The following BTG4 variants were observed in gnomAD, a reference collection of about 807,000 sequenced individuals.
The protein encoded by BTG4 is protein BTG4.
Under a neutral mutation model 19.3 loss-of-function variants are expected in BTG4, and 10 were observed. The observed-to-expected ratio is 0.52, with a 90% CI of 0.32 to 0.88. BTG4 has a LOEUF of 0.88. Ranked by LOEUF, BTG4 falls within the 40% of genes least tolerant of loss-of-function variation. The pLI, the probability that BTG4 is intolerant of heterozygous loss-of-function variation, is 0.04. For synonymous variants in BTG4, 91 were observed against 95.7 expected (o/e 0.95, Z 0.29); for missense variants, 238 against 281.9 (o/e 0.84, Z 1.11).
At chr11:111,465,463 T>C (rs1863666707), downstream of BTG4, among the ~76,000 whole-genome samples, 1 of 152,174 alleles carries the variant, frequency 6.6e-6, no homozygotes, top group Non-Finnish European at 1.5e-5. Flanking sequence ...CTATTCTAAC[T>C]CTTTAGATGT....
At chr11:111,396,756 T>G in the BTG4 span, 16 of 152,260 alleles carry the variant, frequency 1.1e-4, 1 homozygote, top group Non-Finnish European at 1.8e-4. Flanking sequence ...TTCCTCACTT[T>G]TTGATAATTA....
chr11:111,407,399 G>A, the BTG4 span, among the ~76,000 whole-genome samples: 5 of 152,162 alleles, frequency 3.3e-5, no homozygotes, highest in South Asian at 2.1e-4. Flanking sequence ...GGCCGGGTGC[G>A]GTGGTTCCCG....
the BTG4 span, among the ~76,000 whole-genome samples, chr11:111,411,388 C>A: frequency 1.3e-5 from 2 of 151,448 alleles, no homozygotes; most frequent in African/African-American, 4.8e-5. Flanking sequence ...GTCTCCTCTG[C>A]TGGGAAAAGA....
chr11:111,432,217 G>C, the BTG4 span, among the ~76,000 whole-genome samples: 1 of 152,136 alleles, frequency 6.6e-6, no homozygotes, highest in Admixed American at 6.5e-5. Context: ...TGATAGGCAG[G>C]GTATTTCGCT....
the BTG4 span, among the ~76,000 whole-genome samples, chr11:111,389,272 G>A: frequency 3.9e-5 from 6 of 152,134 alleles, no homozygotes; most frequent in Non-Finnish European, 5.9e-5. Flanking sequence ...AAATGAAAAC[G>A]AGATATAAAT....
At chr11:111,424,427 A>G in the BTG4 span, among the ~76,000 whole-genome samples, 1 of 152,248 alleles carries the variant, frequency 6.6e-6, no homozygotes, top group East Asian at 1.9e-4. Flanking sequence ...CTGCCCCACA[A>G]CTTGGCATGG....
the BTG4 span, among the ~76,000 whole-genome samples, chr11:111,405,485 G>A: frequency 4.8e-5 from 7 of 144,496 alleles, no homozygotes; most frequent in Admixed American, 2.8e-4. Flanking sequence ...ACCTGGCCTC[G>A]CACTGAGAAC....
the BTG4 span, among the ~76,000 whole-genome samples, chr11:111,440,725 C>T: frequency 6.6e-6 from 1 of 152,214 alleles, no homozygotes; most frequent in African/African-American, 2.4e-5. Flanking sequence ...AGTGCTGAGG[C>T]GAAGATGCTG....
At chr11:111,503,217 C>T (rs1470944973) in intron 1 of BTG4, among the ~76,000 whole-genome samples, 1 of 152,164 alleles carries the variant, frequency 6.6e-6, no homozygotes, top group Non-Finnish European at 1.5e-5. Flanking sequence ...TTGTAACCAA[C>T]AGATTAATGT....
intron 1 of BTG4, among the ~76,000 whole-genome samples, chr11:111,511,087 C>A (rs919307336): frequency 1.4e-4 from 22 of 152,178 alleles, no homozygotes; most frequent in Non-Finnish European, 2.9e-4. Context: ...GAATGTGAGT[C>A]ATTTATGTAA....
chr11:111,416,804 T>A, the BTG4 span: 2 of 152,236 alleles, frequency 1.3e-5, no homozygotes, highest in Admixed American at 1.3e-4. Flanking sequence ...AATGAGATAC[T>A]GTGTAGGCCC....
intron 5 of BTG4, among the ~76,000 whole-genome samples, chr11:111,487,149 G>A (rs1865116986): frequency 6.6e-6 from 1 of 152,136 alleles, no homozygotes. Flanking sequence ...GAAAAAACAT[G>A]ATCTTTCCTT....
At chr11:111,510,153 G>A (rs1318443042) in intron 1 of BTG4, among the ~76,000 whole-genome samples, 3 of 151,862 alleles carry the variant, frequency 2.0e-5, no homozygotes, top group Middle Eastern at 3.4e-3. Flanking sequence ...CTCGTGATCC[G>A]CCCGCCTTGA....
At chr11:111,395,006 C>T in the BTG4 span, among the ~76,000 whole-genome samples, 1 of 152,230 alleles carries the variant, frequency 6.6e-6, no homozygotes, top group African/African-American at 2.4e-5. Context: ...CTCAGGGAAT[C>T]TGGCTCCTGG....
the BTG4 span, among the ~76,000 whole-genome samples, chr11:111,388,920 C>A: frequency 2.6e-4 from 40 of 152,338 alleles, no homozygotes; most frequent in African/African-American, 9.6e-4. Context: ...AGATGCCACA[C>A]AGGAACCTCC....
At chr11:111,468,506 A>T (rs752046902) in intron 5 of BTG4, among the ~76,000 whole-genome samples, 3 of 152,254 alleles carry the variant, frequency 2.0e-5, no homozygotes, top group Non-Finnish European at 4.4e-5. Context: ...CCAAAAACTC[A>T]TAACCATGAG....
At chr11:111,433,219 G>T in the BTG4 span, among the ~76,000 whole-genome samples, 2 of 152,182 alleles carry the variant, frequency 1.3e-5, no homozygotes, top group Non-Finnish European at 2.9e-5. Flanking sequence ...CATCCAATCT[G>T]ATTTTCTGAT....
At chr11:111,442,417 C>T in the BTG4 span, among the ~76,000 whole-genome samples, 22 of 151,964 alleles carry the variant, frequency 1.4e-4, no homozygotes, top group African/African-American at 5.1e-4. Flanking sequence ...AAGAGAATCA[C>T]TTGAGCCAGG....
At chr11:111,456,705 A>G in the BTG4 span, 15 of 361,982 alleles carry the variant, frequency 4.1e-5, no homozygotes, top group African/African-American at 2.9e-4. This position sits in a 1 kb window ranked among gnomAD's most constrained non-coding sequence, Gnocchi z 4.2. Context: ...ATCTGCTGAG[A>G]GCTACCCTGG....
Sources: allele counts gnomAD v4.1 joint callset (sites outside exome capture counted in the v4.1 genomes callset), GRCh38; gene constraint gnomAD v4.1.1; non-coding constraint Gnocchi (gnomAD v3.1); transcripts MANE v1.5; gene names NCBI Gene and HGNC (gene_info 2026-07-23, HGNC 2026-07-21).